CNTNAP3: variants seen among roughly 807,000 people sequenced by gnomAD.
CNTNAP3 encodes contactin-associated protein-like 3.
A neutral mutation model predicts 92.1 loss-of-function variants in CNTNAP3; 36 were observed. The ratio of observed to expected loss-of-function variants is 0.39; its 90% CI spans 0.30 to 0.52. The LOEUF (loss-of-function observed/expected upper bound fraction) is 0.52, where lower values mean the gene tolerates loss of function less well. Among genes scored for constraint, CNTNAP3 ranks in the 20% least tolerant of loss-of-function variants. CNTNAP3 has a pLI of 0.76. For missense variants in CNTNAP3, 534 were observed against 1,069.6 expected, an observed-to-expected ratio of 0.50 and a Z score of 6.98; for synonymous variants, 232 against 422.3, an observed-to-expected ratio of 0.55 and a Z score of 5.53.
At chr9:39,089,240 C>T (rs188992405) in intron 18 of CNTNAP3, among the ~76,000 whole-genome samples, 1,864 of 152,192 alleles carry the variant, frequency 0.012, 23 homozygotes, top group African/African-American at 0.042. Context: ...TAGGCAACTA[C>T]TAATTTACTT....
chr9:39,136,876 G>T (rs564652450), intron 12 of CNTNAP3, among the ~76,000 whole-genome samples: 2 of 152,162 alleles, frequency 1.3e-5, no homozygotes, highest in East Asian at 3.9e-4. Context: ...CTCCAGCCTG[G>T]GCAATGAGAG....
intron 12 of CNTNAP3, among the ~76,000 whole-genome samples, chr9:39,133,730 C>G (rs1452439701): frequency 1.3e-5 from 2 of 151,896 alleles, no homozygotes; most frequent in East Asian, 3.8e-4. Context: ...GACATCATTT[C>G]TGATGTATCT....
At position 39,070,972 on chromosome 9, in the gene CNTNAP3, C is replaced by T. The variant is rs1825624011; in HGVS notation, c.*2918G>A. On this transcript the variant is annotated 3_prime_UTR_variant, in exon 24 of 24. Coordinates refer to ENST00000297668, the MANE Select transcript of CNTNAP3 (RefSeq NM_033655.5). ...ACTGGGAAGGCAGGAAGGTGGGCTT[C>T]TCTATGGATTGAAGTTAAGAGAGAG... Among the ~76,000 whole-genome samples the T allele has an allele frequency of 6.6e-6, 1 of 152,248 alleles. No individual in the cohort carries two copies. Among genetic ancestry groups the T allele is most frequent in the African/African-American group, 2.4e-5 (1 of 41,478 alleles).
In CNTNAP3 at chr9:39,068,771, A is replaced by C. The variant is rs1387283704; in HGVS notation, c.*5119T>G. Among the ~76,000 whole-genome samples, 10 of 152,248 alleles carry C rather than the reference A, an allele frequency of 6.6e-5. No individual in the cohort carries two copies. The highest frequency in any genetic ancestry group is 1.5e-4 in the Non-Finnish European group (10 of 68,006). ...CCTTAAGCTATCTATCTCCATTGTC[A>C]CTGCTGTCTCAAATTCTCTCAAGTT... is the stretch of plus-strand genomic sequence containing the variant. On this transcript the variant is annotated 3_prime_UTR_variant, in exon 24 of 24. Coordinates refer to ENST00000297668, the MANE Select transcript of CNTNAP3 (RefSeq NM_033655.5).
At position 39,144,364 on chromosome 9, in the gene CNTNAP3, C is replaced by G. The variant is rs550683898; in HGVS notation, c.1650-18G>C. ...GCAAGCACCTAAAAGAAAACAGATA[C>G]AACTGCTGTTTCCCTTTTTCAATCA... On this transcript the variant is annotated intron_variant, in intron 10 of 23. Coordinates refer to ENST00000297668, the MANE Select transcript of CNTNAP3 (RefSeq NM_033655.5). The G allele has an allele frequency of 3.2e-4, 483 of 1,501,690 alleles. 3 individuals are homozygous for G. The African/African-American group carries it at 5.1e-3, about 16-fold the overall frequency. The allele number at this position is 1,501,690 out of a possible 1,614,324, so 93.0% of individuals were successfully genotyped here. A position where few individuals can be genotyped will look rare whatever the true frequency, so the allele number is the denominator to read the frequency against.
chr9:39,148,526 CTTTT>C (rs887513999), intron 10 of CNTNAP3, among the ~76,000 whole-genome samples: 5 of 137,882 alleles, frequency 3.6e-5, no homozygotes, highest in Non-Finnish European at 1.6e-5. Flanking sequence ...GCAGATATAA[CTTTT>C]TTTTTTTTTT....
chr9:39,094,580 A>G (rs1335564961), intron 18 of CNTNAP3, among the ~76,000 whole-genome samples: 1 of 151,456 alleles, frequency 6.6e-6, no homozygotes. Flanking sequence ...CACTTTTCCT[A>G]CCTTTATGTT....
In CNTNAP3 at chr9:39,071,059, G is replaced by A. The variant is rs1335216487; in HGVS notation, c.*2831C>T. Among the ~76,000 whole-genome samples, 1 of 152,212 alleles carries A rather than the reference G, an allele frequency of 6.6e-6. No individual in the cohort carries two copies. The highest frequency in any genetic ancestry group is 2.4e-5 in the African/African-American group (1 of 41,468). On this transcript the variant is annotated 3_prime_UTR_variant, in exon 24 of 24. Transcript: ENST00000297668. ...TAGTACTGCCTACTTGAAGAGATTA[G>A]CTCTTACAACCTTATCTTTGTCTCA... is the stretch of plus-strand genomic sequence containing the variant.
intron 8 of CNTNAP3, among the ~76,000 whole-genome samples, chr9:39,168,006 G>GTTTTTTTT (rs201151152): frequency 7.1e-6 from 1 of 140,900 alleles, no homozygotes; most frequent in African/African-American, 2.7e-5. Flanking sequence ...TTTACCTTGA[G>GTTTTTTTT]TTTTTTTTTG....
chr9:39,086,964 G>A (rs1456670123), intron 19 of CNTNAP3, 115 bp from the exon 20 acceptor site: 1 of 759,964 alleles, frequency 1.3e-6, no homozygotes. Flanking sequence ...AATCTATTTA[G>A]CATCAATTTA....
At chr9:39,083,811 C>T (rs1454358001) in intron 21 of CNTNAP3, among the ~76,000 whole-genome samples, 2 of 151,766 alleles carry the variant, frequency 1.3e-5, no homozygotes, top group African/African-American at 4.8e-5. Context: ...TTTAAAGCTA[C>T]CTCTTGGATA....
rs1399776771 is a variant in CNTNAP3, at chr9:39,065,072, A to G, written c.*8818T>C. Among the ~76,000 whole-genome samples, 3 of 152,298 alleles carry G rather than the reference A, an allele frequency of 2.0e-5. No individual in the cohort carries two copies. The highest frequency in any genetic ancestry group is 6.5e-5 in the Admixed American group (1 of 15,286). The stretch of plus-strand genomic sequence containing the variant: ...AGAGTTTTGACAAATGTCCACACCA[A>G]TGTAACCATAGTCAATCAAGACATA... On this transcript the variant is annotated 3_prime_UTR_variant, in exon 24 of 24. Coordinates refer to ENST00000297668, the MANE Select transcript of CNTNAP3 (RefSeq NM_033655.5).
rs1825506112 is a variant in CNTNAP3, at chr9:39,066,218, T to C, written c.*7672A>G. On this transcript the variant is annotated 3_prime_UTR_variant, in exon 24 of 24. Transcript: ENST00000297668. ...ATAACTTGTAATAGCCAACTTTTAA[T>C]AGGCATTATACGACTTTACACACAG... 2.0e-5 allele frequency among the ~76,000 whole-genome samples: 3 copies of C among 152,246 alleles called. No individual in the cohort carries two copies. The highest frequency in any genetic ancestry group is 1.5e-5 in the Non-Finnish European group (1 of 68,038).
At chr9:39,143,597 T>C (rs1256172522) in intron 11 of CNTNAP3, among the ~76,000 whole-genome samples, 1 of 152,202 alleles carries the variant, frequency 6.6e-6, no homozygotes, top group Admixed American at 6.5e-5. Flanking sequence ...TGAGTTAATA[T>C]ATGCAAAGCA....
At chr9:39,098,126 G>A (rs1185551507) in intron 18 of CNTNAP3, among the ~76,000 whole-genome samples, 1 of 146,978 alleles carries the variant, frequency 6.8e-6, no homozygotes, top group Non-Finnish European at 1.5e-5. Context: ...TGCCAAAGAT[G>A]TTTCTCAAAT....
chr9:39,133,024 G>C lies in CNTNAP3; in HGVS notation c.1988C>G (p.Ala663Gly). 6.5e-7 allele frequency: 1 copy of C among 1,542,196 alleles called. No homozygotes were observed. Among genetic ancestry groups the C allele is most frequent in the South Asian group, 1.2e-5 (1 of 84,764 alleles). ...GTTCACCGCGGACCGCAGCTGCCCCGCGCCCGCTGCGTACGCGAAGGACAC... is the reference window on the plus strand; with the variant it reads ...GTTCACCGCGGACCGCAGCTGCCCCCCGCCCGCTGCGTACGCGAAGGACAC... ...SAVSFAYAAGAGQLRSAVNLA... is the reference protein window; with the variant it reads ...SAVSFAYAAGGGQLRSAVNLA... The change falls in exon 13 of 24, where the codon GCG (alanine) becomes GGG (glycine). Residue 663 changes from alanine (A) to glycine (G), a missense_variant. Physicochemically the swap from Ala to Gly is moderately conservative, Grantham distance 60 (BLOSUM62 0). Transcript: ENST00000297668.
chr9:39,098,408 A>G (rs1421349574), intron 18 of CNTNAP3, among the ~76,000 whole-genome samples: 1 of 152,016 alleles, frequency 6.6e-6, no homozygotes, highest in African/African-American at 2.4e-5. Flanking sequence ...TAAAGAATTT[A>G]CTGAAAATCC....
chr9:39,135,691 C>A (rs1697842538), intron 12 of CNTNAP3, among the ~76,000 whole-genome samples: 1 of 152,142 alleles, frequency 6.6e-6, no homozygotes, highest in African/African-American at 2.4e-5. Context: ...CTAGCTCAAC[C>A]CAGCCTAACT....
In CNTNAP3 at chr9:39,068,258, A is replaced by C. The variant is rs1825555177; in HGVS notation, c.*5632T>G. ...ACTAAAAATACAAAAAAAAAAAAAAAAAAAAAAATTAGCTGGGCATGTTGG... is the reference window on the plus strand; with the variant it reads ...ACTAAAAATACAAAAAAAAAAAAAACAAAAAAAATTAGCTGGGCATGTTGG... On this transcript the variant is annotated 3_prime_UTR_variant, in exon 24 of 24. Coordinates refer to ENST00000297668, the MANE Select transcript of CNTNAP3 (RefSeq NM_033655.5). Among the ~76,000 whole-genome samples the C allele has an allele frequency of 1.3e-5, 2 of 152,204 alleles. No homozygotes were observed. The highest frequency in any genetic ancestry group is 4.8e-5 in the African/African-American group (2 of 41,478).
Sources: allele counts gnomAD v4.1 joint callset (sites outside exome capture counted in the v4.1 genomes callset), GRCh38; gene constraint gnomAD v4.1.1; transcripts MANE v1.5; gene names NCBI Gene and HGNC (gene_info 2026-07-23, HGNC 2026-07-21).